The following SYNE2 variants were observed in gnomAD, a reference collection of about 807,000 sequenced individuals.
SYNE2 encodes spectrin repeat containing nuclear envelope protein 2, also known as nesprin-2.
Under a neutral mutation model 856.3 loss-of-function variants are expected in SYNE2, and 431 were observed. The ratio of observed to expected loss-of-function variants is 0.50; its 90% confidence interval spans 0.47 to 0.55. SYNE2 has a LOEUF of 0.55. SYNE2 is among the 20% of genes least tolerant of loss of function. SYNE2 has a pLI of 0.00. For synonymous variants in SYNE2, 2,923 were observed against 2,872.3 expected, an observed-to-expected ratio of 1.02 and a Z score of -0.56; for missense variants, 8,129 against 8,023.2, an observed-to-expected ratio of 1.01 and a Z score of -0.50.
intron 9 of SYNE2, among the ~76,000 whole-genome samples, chr14:63,963,185 C>T (rs74903057): frequency 0.02 from 3,037 of 152,140 alleles, 89 homozygotes; most frequent in African/African-American, 0.066. Context: ...GCTTATAATT[C>T]GGTTCACTTA....
At chr14:63,934,445 C>T (rs2095804234) in intron 2 of SYNE2, among the ~76,000 whole-genome samples, 1 of 151,812 alleles carries the variant, frequency 6.6e-6, no homozygotes, top group Admixed American at 6.6e-5. Flanking sequence ...CCAGTTAGAG[C>T]CCTGATTTTG....
intron 11 of SYNE2, among the ~76,000 whole-genome samples, chr14:63,970,630 GTCTTTTTTCTTT>G (rs1408546723): frequency 5.8e-5 from 8 of 137,404 alleles, no homozygotes; most frequent in Non-Finnish European, 9.6e-5. Context: ...CTTCCTTTCT[GTCTTTTTTCTTT>G]TCTTTTTTCT....
intron 84 of SYNE2, among the ~76,000 whole-genome samples, chr14:64,151,981 C>T (rs184804834): frequency 6.6e-6 from 1 of 152,174 alleles, no homozygotes; most frequent in Non-Finnish European, 1.5e-5. Flanking sequence ...CCATGGTGTC[C>T]TTTGTAGTAG....
At chr14:64,022,259 A>G (rs1378473709) in intron 37 of SYNE2, among the ~76,000 whole-genome samples, 1 of 152,190 alleles carries the variant, frequency 6.6e-6, no homozygotes, top group Non-Finnish European at 1.5e-5. Flanking sequence ...AAGGTAAGTC[A>G]CTAAGGTCCT....
At chr14:64,172,606 C>CTATCATATG (rs2098416256) in intron 94 of SYNE2, among the ~76,000 whole-genome samples, 1 of 152,084 alleles carries the variant, frequency 6.6e-6, no homozygotes, top group South Asian at 2.1e-4. Context: ...ACAATGAAGG[C>CTATCATATG]TATCATATGT....
intron 65 of SYNE2, among the ~76,000 whole-genome samples, chr14:64,108,956 G>A (rs936385682): frequency 2.0e-5 from 3 of 151,870 alleles, no homozygotes; most frequent in African/African-American, 7.3e-5. Flanking sequence ...GCTCACTGGA[G>A]CCTCAACCTC....
At chr14:63,948,782 GTATATATATATATATATATATATATATA>G (rs3062027) in intron 6 of SYNE2, among the ~76,000 whole-genome samples, 19 of 43,906 alleles carry the variant, frequency 4.3e-4, no homozygotes, top group Admixed American at 1.1e-3. Context: ...ATGTGTGTGT[GTATATATATATATATATATATATATATA>G]TATATATATA....
intron 3 of SYNE2, 33 bp downstream of exon 3, chr14:63,940,708 T>C (rs775660837): frequency 6.3e-7 from 1 of 1,599,426 alleles, no homozygotes; most frequent in Non-Finnish European, 8.6e-7. Context: ...AGTTTATAAA[T>C]CTATTTATTA....
At chr14:63,939,733 A>T (rs1280101921) in intron 2 of SYNE2, among the ~76,000 whole-genome samples, 2 of 152,252 alleles carry the variant, frequency 1.3e-5, no homozygotes, top group Admixed American at 6.5e-5. Flanking sequence ...TTAGATTCTT[A>T]TAATAATCTC....
chr14:64,137,683 T>C (rs2098106060), intron 78 of SYNE2, 104 bp from the exon 79 acceptor site: 1 of 1,183,490 alleles, frequency 8.4e-7, no homozygotes. Flanking sequence ...AGTGTTACTG[T>C]TTTATCAGTG....
At chr14:63,894,357 T>C (rs896904930) in intron 1 of SYNE2, among the ~76,000 whole-genome samples, 3 of 152,058 alleles carry the variant, frequency 2.0e-5, no homozygotes, top group Non-Finnish European at 4.4e-5. Flanking sequence ...GCTAGGACTA[T>C]AGGCATGCTC....
intron 46 of SYNE2, 133 bp downstream of exon 46, chr14:64,048,288 G>A: frequency 1.3e-6 from 1 of 780,004 alleles, no homozygotes; most frequent in Non-Finnish European, 2.0e-6. Flanking sequence ...GATCAATTTG[G>A]TAACTGTATA....
intron 16 of SYNE2, among the ~76,000 whole-genome samples, chr14:63,981,768 C>T (rs185777568): frequency 6.6e-6 from 1 of 152,158 alleles, no homozygotes; most frequent in Admixed American, 6.5e-5. Context: ...TTGCAGATGG[C>T]TATAGATAGC....
intron 99 of SYNE2, among the ~76,000 whole-genome samples, chr14:64,194,475 G>T (rs752765833): frequency 1.3e-5 from 2 of 152,006 alleles, no homozygotes; most frequent in Non-Finnish European, 2.9e-5. Flanking sequence ...TGCTTTTGTT[G>T]TTTGTTTTTT....
At chr14:63,884,330 A>G (rs1443420237) in intron 1 of SYNE2, among the ~76,000 whole-genome samples, 1 of 152,178 alleles carries the variant, frequency 6.6e-6, no homozygotes, top group Non-Finnish European at 1.5e-5. Context: ...GAGTAAAGGT[A>G]GGAGTTACTC....
At position 64,027,749 on chromosome 14, in the gene SYNE2, C is replaced by T. The variant is rs982045910; in HGVS notation, c.6670C>T (p.Leu2224=). 26 of 1,613,670 alleles carry T rather than the reference C, an allele frequency of 1.6e-5. No homozygotes were observed. Among genetic ancestry groups the T allele is most frequent in the Non-Finnish European group, 2.0e-5 (24 of 1,179,944 alleles). The change falls in exon 43 of 116, where the codon CTG becomes TTG. Residue 2224 remains leucine, a synonymous_variant. Transcript: ENST00000555002. The part of the protein sequence containing the change: ...KNPSFSEEPW[L]EIKHLHESLL... ...TCCCAGCTTCAGTGAAGAGCCTTGG[C>T]TGGAAATAAAGCATCTACACGAAAG...
At chr14:64,116,743 G>A (rs756663006) in intron 66 of SYNE2, among the ~76,000 whole-genome samples, 1 of 152,106 alleles carries the variant, frequency 6.6e-6, no homozygotes, top group Non-Finnish European at 1.5e-5. Context: ...TTTACCTTCT[G>A]AAAATAATCC....
chr14:63,998,143 G>T, intron 25 of SYNE2, 76 bp from the exon 26 acceptor site: 3 of 1,040,970 alleles, frequency 2.9e-6, no homozygotes, highest in South Asian at 1.3e-5. Flanking sequence ...ATACATTTTT[G>T]AACATAAGCA....
chr14:63,961,315 C>T (rs143192697), intron 8 of SYNE2, among the ~76,000 whole-genome samples: 272 of 152,320 alleles, frequency 1.8e-3, no homozygotes, highest in South Asian at 3.3e-3. Context: ...AGGATTTAAC[C>T]CAGATCTCTC....
Sources: gnomAD v4.1 joint callset for allele counts (sites outside exome capture counted in the v4.1 genomes callset) on GRCh38, gnomAD v4.1.1 for gene constraint, MANE v1.5 for transcripts, NCBI Gene and HGNC (gene_info 2026-07-23, HGNC 2026-07-21) for gene names.